The following NRCAM variants were observed in gnomAD, a reference collection of about 807,000 sequenced individuals.
NRCAM encodes neuronal cell adhesion molecule, also known as NgCAM-related cell adhesion molecule.
NRCAM carries 83 observed loss-of-function variants against 156.5 expected under a neutral mutation model. The ratio of observed to expected loss-of-function variants is 0.53; its 90% CI spans 0.44 to 0.64. NRCAM has a LOEUF of 0.64. NRCAM is among the 30% of genes least tolerant of loss of function. The pLI, the probability that NRCAM is intolerant of heterozygous loss-of-function variation, is 0.00. For synonymous variants in NRCAM, 538 were observed against 563.9 expected, an observed-to-expected ratio of 0.95 and a Z score of 0.65; for missense variants, 1,417 against 1,597.3, an observed-to-expected ratio of 0.89 and a Z score of 1.92.
intron 32 of NRCAM, among the ~76,000 whole-genome samples, chr7:108,153,966 CA>C (rs2043296468): frequency 1.3e-5 from 2 of 152,136 alleles, no homozygotes; most frequent in Non-Finnish European, 2.9e-5. Flanking sequence ...ATAGAAGACT[CA>C]AATATAGTAA....
At chr7:108,233,134 G>A (rs1294286483) in intron 6 of NRCAM, among the ~76,000 whole-genome samples, 3 of 152,066 alleles carry the variant, frequency 2.0e-5, no homozygotes, top group Non-Finnish European at 4.4e-5. Flanking sequence ...TGGGAGGTAT[G>A]CCCAATTGTC....
chr7:108,396,149 ATGAG>A (rs2154384479), intron 2 of NRCAM, among the ~76,000 whole-genome samples: 1 of 152,334 alleles, frequency 6.6e-6, no homozygotes, highest in East Asian at 1.9e-4. Context: ...TGCAGCGAAT[ATGAG>A]TGAGACAGAA....
intron 1 of NRCAM, among the ~76,000 whole-genome samples, chr7:108,428,828 G>A (rs1235230324): frequency 6.6e-6 from 1 of 151,994 alleles, no homozygotes; most frequent in African/African-American, 2.4e-5. Flanking sequence ...TGTTTGGTTG[G>A]CAGAAGAGTG....
Position 108,263,882 on chromosome 7 carries a change from A to C in NRCAM, c.-106-23712T>G, listed in dbSNP as rs2096978439. On this transcript the variant is annotated intron_variant, in intron 3 of 32. Transcript: ENST00000379028. ...CTATTATACACTCAAGTCTTCCTGC[A>C]TTCAGTCTTTCCATATTGCATTGCC... 3.9e-5 allele frequency among the ~76,000 whole-genome samples: 6 copies of C among 152,372 alleles called. 1 individual carries two copies. In the South Asian group the frequency reaches 1.2e-3, roughly 32 times the overall value.
intron 3 of NRCAM, among the ~76,000 whole-genome samples, chr7:108,241,370 A>T (rs1213249596): frequency 2.6e-5 from 4 of 152,168 alleles, no homozygotes. Context: ...ATCCCACAGT[A>T]AACTCCTACC....
intron 22 of NRCAM, 45 bp downstream of exon 22, chr7:108,184,196 T>C (rs560636929): frequency 6.6e-7 from 1 of 1,519,536 alleles, no homozygotes; most frequent in Non-Finnish European, 9.1e-7. Flanking sequence ...AACTTTTTTT[T>C]CACTCTAAAA....
At chr7:108,347,118 A>T (rs994037951) in intron 2 of NRCAM, among the ~76,000 whole-genome samples, 18 of 143,530 alleles carry the variant, frequency 1.3e-4, no homozygotes, top group Non-Finnish European at 2.4e-4. Flanking sequence ...GCTCACTGCA[A>T]GCACTGCCTC....
Position 108,168,275 on chromosome 7 carries a change from A to C in NRCAM, c.3313+2T>G. ...AAATCGGGTAATGAAATTGTTTCTT[A>C]CTGCCTGCTACACCATATTCAACAT... is the stretch of plus-strand genomic sequence containing the variant. On this transcript the variant is annotated splice_donor_variant, in intron 29 of 32. Transcript: ENST00000379028. LOFTEE classifies it high-confidence loss of function. 6.6e-7 allele frequency: 1 copy of C among 1,504,362 alleles called. No homozygotes were observed. Among genetic ancestry groups the C allele is most frequent in the South Asian group, 1.4e-5 (1 of 68,970 alleles). 93.2% of individuals were successfully genotyped at this position (1,504,362 alleles called of 1,614,324 possible).
intron 13 of NRCAM, among the ~76,000 whole-genome samples, chr7:108,206,129 A>G (rs2081021826): frequency 6.6e-6 from 1 of 152,244 alleles, no homozygotes; most frequent in Non-Finnish European, 1.5e-5. Context: ...GTTTCAAAGT[A>G]TCTGACAGCT....
At chr7:108,160,646 T>C (rs2048355713) in intron 30 of NRCAM, among the ~76,000 whole-genome samples, 154 bp from the exon 31 acceptor site, 1 of 152,200 alleles carries the variant, frequency 6.6e-6, no homozygotes, top group Non-Finnish European at 1.5e-5. Context: ...AATCAGGAAT[T>C]ATATGAATAA....
At position 108,175,975 on chromosome 7, in the gene NRCAM, T is replaced by A. The variant is rs180751053; in HGVS notation, c.3151+455A>T. Among the ~76,000 whole-genome samples, 343 of 152,284 alleles carry A rather than the reference T, an allele frequency of 2.3e-3. 1 individual carries two copies. The highest frequency in any genetic ancestry group is 7.9e-3 in the African/African-American group (328 of 41,564). ...CCTTGCTAGAAAATGTAAATTGATA[T>A]GTGAACTAGAAAATTTTTTCCAGTA... is the stretch of plus-strand genomic sequence containing the variant. On this transcript the variant is annotated intron_variant, in intron 27 of 32. Coordinates refer to ENST00000379028, the MANE Select transcript of NRCAM (RefSeq NM_001037132.4).
At chr7:108,376,706 T>C (rs1248137363) in intron 2 of NRCAM, among the ~76,000 whole-genome samples, 1 of 152,162 alleles carries the variant, frequency 6.6e-6, no homozygotes, top group Non-Finnish European at 1.5e-5. Context: ...AAGGACAGTA[T>C]GGGAAAACTG....
At chr7:108,431,481 GGC>G (rs1825066688) in intron 1 of NRCAM, among the ~76,000 whole-genome samples, 1 of 152,148 alleles carries the variant, frequency 6.6e-6, no homozygotes, top group African/African-American at 2.4e-5. Flanking sequence ...GGACAGTAAT[GGC>G]ATCAAATTCA....
chr7:108,429,615 G>GAAACCT (rs1467510680), intron 1 of NRCAM, among the ~76,000 whole-genome samples: 6 of 152,322 alleles, frequency 3.9e-5, no homozygotes, highest in East Asian at 3.9e-4. Context: ...GGGTGCCCAT[G>GAAACCT]ATGTTTCCTC....
intron 2 of NRCAM, among the ~76,000 whole-genome samples, chr7:108,315,164 C>T (rs2098890047): frequency 6.6e-6 from 1 of 152,102 alleles, no homozygotes; most frequent in Non-Finnish European, 1.5e-5. Context: ...ACTGTTCTGC[C>T]TTTTATCACT....
At chr7:108,241,162 T>C (rs2095498402) in intron 3 of NRCAM, among the ~76,000 whole-genome samples, 1 of 152,242 alleles carries the variant, frequency 6.6e-6, no homozygotes, top group East Asian at 1.9e-4. Flanking sequence ...ATCACATACA[T>C]AGGTAGATAT....
chr7:108,167,961 G>A (rs939520544), intron 29 of NRCAM, among the ~76,000 whole-genome samples: 1 of 152,142 alleles, frequency 6.6e-6, no homozygotes, highest in Non-Finnish European at 1.5e-5. Flanking sequence ...TATTGTACTT[G>A]CAAATATAAT....
At chr7:108,370,446 C>A (rs1342450160) in intron 2 of NRCAM, among the ~76,000 whole-genome samples, 2 of 151,792 alleles carry the variant, frequency 1.3e-5, no homozygotes, top group Non-Finnish European at 2.9e-5. Flanking sequence ...AAGGTCATTT[C>A]CAAAAATAAT....
intron 3 of NRCAM, among the ~76,000 whole-genome samples, chr7:108,250,018 A>C (rs565266448): frequency 1.8e-3 from 277 of 152,236 alleles, no homozygotes; most frequent in Non-Finnish European, 3.4e-3. Context: ...TGTTTGTTGC[A>C]ACAATATTCA....
Sources: gnomAD v4.1 joint callset for allele counts (sites outside exome capture counted in the v4.1 genomes callset) on GRCh38, gnomAD v4.1.1 for gene constraint, MANE v1.5 for transcripts, NCBI Gene and HGNC (gene_info 2026-07-23, HGNC 2026-07-21) for gene names.